Variants in PHF14 observed in about 807,000 individuals in gnomAD.
The protein encoded by PHF14 is PHD finger protein 14.
Under a neutral mutation model 117.9 loss-of-function variants are expected in PHF14, and 55 were observed. The observed-to-expected ratio is 0.47, with a 90% CI of 0.38 to 0.58. PHF14 has a LOEUF of 0.58. Ranked by LOEUF, PHF14 falls within the 20% of genes least tolerant of loss-of-function variation. The pLI is 0.00. For synonymous variants in PHF14, 409 were observed against 368.6 expected (o/e 1.11, Z -1.26); for missense variants, 978 against 1,122.2 (o/e 0.87, Z 1.84).
chr7:11,028,746 G>A lies in PHF14; in HGVS notation c.1383G>A (p.Gly461=). The A allele has an allele frequency of 6.2e-7, 1 of 1,613,552 alleles. No individual in the cohort carries two copies. Among genetic ancestry groups the A allele is most frequent in the Non-Finnish European group, 8.5e-7 (1 of 1,179,522 alleles). The change falls in exon 7 of 18, where the codon GGG becomes GGA. Residue 461 remains glycine (G), a synonymous_variant. Coordinates refer to ENST00000634607, the MANE Select transcript of PHF14 (RefSeq NM_001007157.2). ...RTGVCISCDA[G]MCRAYFHVTC... ...GGGTTTGCATTAGCTGTGATGCAGG[G>A]ATGTGCAGAGCCTATTTCCATGTGA...
At chr7:11,023,307 T>C (rs142792536) in intron 6 of PHF14, among the ~76,000 whole-genome samples, 22 of 152,220 alleles carry the variant, frequency 1.4e-4, no homozygotes, top group Admixed American at 2.6e-4. Flanking sequence ...TTTCTGACTT[T>C]ACTTTTGAAG....
intron 8 of PHF14, among the ~76,000 whole-genome samples, 170 bp from the exon 9 acceptor site, chr7:11,036,248 C>G (rs1400119023): frequency 6.6e-6 from 1 of 152,100 alleles, no homozygotes; most frequent in Non-Finnish European, 1.5e-5. Flanking sequence ...TTTATTGTAA[C>G]TCAAAAATTA....
intron 11 of PHF14, 43 bp downstream of exon 11, chr7:11,038,898 C>T (rs532453517): frequency 2.2e-6 from 2 of 899,450 alleles, no homozygotes; most frequent in African/African-American, 3.4e-5. Context: ...TTCTTGCTCC[C>T]TATATGATTT....
At chr7:11,015,957 T>C (rs1196271119) in intron 5 of PHF14, among the ~76,000 whole-genome samples, 2 of 152,126 alleles carry the variant, frequency 1.3e-5, no homozygotes, top group Admixed American at 6.6e-5. Flanking sequence ...TTACTGTTTT[T>C]CTTGTTGATA....
At chr7:11,004,723 C>T (rs1047625564) in intron 4 of PHF14, among the ~76,000 whole-genome samples, 1 of 150,282 alleles carries the variant, frequency 6.7e-6, no homozygotes, top group Non-Finnish European at 1.5e-5. Context: ...TGTTTAGTTC[C>T]CATTATATCA....
intron 17 of PHF14, among the ~76,000 whole-genome samples, chr7:11,124,162 G>A (rs1787854552): frequency 6.6e-6 from 1 of 151,542 alleles, no homozygotes; most frequent in South Asian, 2.1e-4. Context: ...GTTGAATATT[G>A]GAAAAAAATT....
chr7:11,163,518 A>G (rs1241169046), intron 17 of PHF14, among the ~76,000 whole-genome samples: 1 of 152,226 alleles, frequency 6.6e-6, no homozygotes, highest in Non-Finnish European at 1.5e-5. Context: ...AGAAAAATAA[A>G]AGGCCAAAGG....
intron 16 of PHF14, chr7:11,063,223 G>A (rs1447420829): frequency 1.1e-5 from 11 of 984,170 alleles, no homozygotes; most frequent in Non-Finnish European, 1.3e-5. Context: ...TAATTTTTTT[G>A]AGGTAGTTCA....
chr7:10,984,170 T>C (rs1188218331), intron 3 of PHF14, among the ~76,000 whole-genome samples: 1 of 152,194 alleles, frequency 6.6e-6, no homozygotes, highest in Non-Finnish European at 1.5e-5. Flanking sequence ...TATTTGTTCT[T>C]TCACATTTTT....
At chr7:10,975,291 T>G (rs2128306434) in intron 2 of PHF14, among the ~76,000 whole-genome samples, 1 of 152,312 alleles carries the variant, frequency 6.6e-6, no homozygotes, top group South Asian at 2.1e-4. Flanking sequence ...GTGTGGACCA[T>G]TAATAGTCCC....
At chr7:11,152,991 G>A (rs765735726) in intron 17 of PHF14, among the ~76,000 whole-genome samples, 4 of 152,134 alleles carry the variant, frequency 2.6e-5, no homozygotes, top group Non-Finnish European at 4.4e-5. Context: ...GGTCAGAAGG[G>A]CCTGATGATG....
intron 16 of PHF14, among the ~76,000 whole-genome samples, chr7:11,077,412 C>G (rs949454664): frequency 6.6e-6 from 1 of 151,654 alleles, no homozygotes; most frequent in Non-Finnish European, 1.5e-5. Context: ...ACCATCCTGG[C>G]CAACGTGGTA....
intron 16 of PHF14, chr7:11,106,656 G>A (rs6460785): frequency 0.49 from 478,877 of 979,502 alleles, 121,726 homozygotes; most frequent in East Asian, 0.86. Flanking sequence ...AGAACTCATC[G>A]CTACCTGTTA....
At chr7:11,065,035 G>A (rs369318529) in intron 16 of PHF14, among the ~76,000 whole-genome samples, 14 of 152,050 alleles carry the variant, frequency 9.2e-5, no homozygotes, top group East Asian at 5.8e-4. Context: ...TGTTATGTCA[G>A]AAAATGTACA....
rs752326846 is a variant in PHF14, at chr7:10,982,765, C to T, written c.506C>T (p.Thr169Met). 5.0e-5 allele frequency: 80 copies of T among 1,613,698 alleles called. No individual in the cohort carries two copies. Among genetic ancestry groups the T allele is most frequent in the African/African-American group, 1.7e-4 (13 of 74,914 alleles). Residue 169 changes from threonine (T) to methionine (M), a missense_variant, in exon 3 of 18, where the codon ACG becomes ATG. Transcript: ENST00000634607. ...AACACATCCCCTTCTGTTCCCACTACGACAACCGCTACAGAGGAACAAGTC... is the reference window on the plus strand; with the variant it reads ...AACACATCCCCTTCTGTTCCCACTATGACAACCGCTACAGAGGAACAAGTC... ...AVNTSPSVPTTTTATEEQVSE... is the reference protein window; with the variant it reads ...AVNTSPSVPTMTTATEEQVSE...
intron 16 of PHF14, among the ~76,000 whole-genome samples, chr7:11,101,661 CTTTA>C (rs1479411294): frequency 6.6e-6 from 1 of 151,780 alleles, no homozygotes; most frequent in African/African-American, 2.4e-5. Context: ...CTCAGTAACG[CTTTA>C]TTTGTCTGTG....
intron 13 of PHF14, among the ~76,000 whole-genome samples, chr7:11,048,131 C>G (rs1784738591): frequency 6.6e-6 from 1 of 152,148 alleles, no homozygotes; most frequent in Non-Finnish European, 1.5e-5. Context: ...TTTTAGGACT[C>G]TATTCTCATA....
chr7:11,152,569 A>G (rs1788731188), intron 17 of PHF14, among the ~76,000 whole-genome samples: 2 of 152,190 alleles, frequency 1.3e-5, no homozygotes, highest in Non-Finnish European at 2.9e-5. Context: ...ATTCATTCAT[A>G]TATCCAATAA....
chr7:11,145,786 G>C (rs1055612742), intron 17 of PHF14, among the ~76,000 whole-genome samples: 1 of 152,014 alleles, frequency 6.6e-6, no homozygotes, highest in African/African-American at 2.4e-5. Flanking sequence ...TATTAAAACA[G>C]TAAATTAACA....
Sources: allele counts gnomAD v4.1 joint callset (sites outside exome capture counted in the v4.1 genomes callset), GRCh38; gene constraint gnomAD v4.1.1; transcripts MANE v1.5; gene names NCBI Gene and HGNC (gene_info 2026-07-23, HGNC 2026-07-21).